AUTS2: variants seen among roughly 807,000 people sequenced by gnomAD.
The protein encoded by AUTS2 is autism susceptibility gene 2 protein.
Under a neutral mutation model 112.4 loss-of-function variants are expected in AUTS2, and 17 were observed. The ratio of observed to expected loss-of-function variants is 0.15; its 90% CI spans 0.10 to 0.23. The LOEUF is 0.23. Ranked by LOEUF, AUTS2 falls within the 10% of genes least tolerant of loss-of-function variation. The probability of loss-of-function intolerance (pLI) is 1.00; values close to 1 mark genes in which losing one functional copy is unlikely to be tolerated. For synonymous variants in AUTS2, 751 were observed against 702.7 expected (o/e 1.07, Z -1.09); for missense variants, 1,510 against 1,701.6 (o/e 0.89, Z 1.98).
At chr7:70,621,022 C>T (rs7808950) in intron 5 of AUTS2, among the ~76,000 whole-genome samples, 66,338 of 152,078 alleles carry the variant, frequency 0.44, 15,252 homozygotes, top group Middle Eastern at 0.54. Flanking sequence ...TGAGGGGCCG[C>T]GGTATGGCGG....
chr7:70,760,248 G>A (rs962742007), intron 6 of AUTS2, among the ~76,000 whole-genome samples: 14 of 152,236 alleles, frequency 9.2e-5, no homozygotes, highest in African/African-American at 1.7e-4. Flanking sequence ...CTCGTGATCC[G>A]CCCGCCTTGG....
intron 5 of AUTS2, among the ~76,000 whole-genome samples, chr7:70,693,570 G>A (rs1386994599): frequency 6.6e-6 from 1 of 152,216 alleles, no homozygotes; most frequent in Non-Finnish European, 1.5e-5. Context: ...TTGTGTCTGA[G>A]ACCCAGACCG....
intron 4 of AUTS2, among the ~76,000 whole-genome samples, chr7:70,417,228 G>T (rs1020980222): frequency 2.0e-5 from 3 of 152,336 alleles, no homozygotes; most frequent in Admixed American, 1.3e-4. Flanking sequence ...CAGGCAGGCA[G>T]CCGGCTGTGC....
intron 1 of AUTS2, among the ~76,000 whole-genome samples, chr7:69,605,570 A>G (rs1005972594): frequency 1.3e-5 from 2 of 152,172 alleles, no homozygotes; most frequent in African/African-American, 4.8e-5. Context: ...AACCTGTAAA[A>G]AAAGGTTGGT....
chr7:70,377,689 T>G (rs1793176872), intron 4 of AUTS2, among the ~76,000 whole-genome samples: 1 of 151,826 alleles, frequency 6.6e-6, no homozygotes, highest in East Asian at 1.9e-4. Flanking sequence ...CTCTATGAAT[T>G]TGACTACTCT....
intron 1 of AUTS2, among the ~76,000 whole-genome samples, chr7:69,699,603 A>G (rs929561553): frequency 1.1e-4 from 17 of 148,246 alleles, no homozygotes; most frequent in African/African-American, 4.0e-4. Context: ...GTTATTTACA[A>G]TCTTTTGCTC....
At chr7:70,065,665 C>G (rs1451765857) in intron 2 of AUTS2, among the ~76,000 whole-genome samples, 1 of 151,942 alleles carries the variant, frequency 6.6e-6, no homozygotes. Flanking sequence ...CCACTGCACT[C>G]CAGTCTGAGC....
chr7:70,235,846 G>A (rs1051284951), intron 4 of AUTS2, among the ~76,000 whole-genome samples: 1 of 151,778 alleles, frequency 6.6e-6, no homozygotes, highest in South Asian at 2.1e-4. Context: ...AGAGACGGGG[G>A]ACGTGATTTC....
chr7:70,592,903 G>A (rs1803015729), intron 5 of AUTS2, among the ~76,000 whole-genome samples: 1 of 152,130 alleles, frequency 6.6e-6, no homozygotes, highest in Non-Finnish European at 1.5e-5. Context: ...AGGCTGCAGT[G>A]CGGTGCCACC....
intron 1 of AUTS2, among the ~76,000 whole-genome samples, chr7:69,711,018 T>G (rs571450382): frequency 1.3e-5 from 2 of 152,282 alleles, no homozygotes; most frequent in South Asian, 2.1e-4. Flanking sequence ...TGCTCACCCT[T>G]AGGAATGTTT....
chr7:70,069,561 A>G (rs1802654974), intron 2 of AUTS2, among the ~76,000 whole-genome samples: 1 of 152,188 alleles, frequency 6.6e-6, no homozygotes. Flanking sequence ...GATCTATAGT[A>G]AGCAGATGAC....
intron 5 of AUTS2, among the ~76,000 whole-genome samples, chr7:70,680,652 T>A (rs1373895301): frequency 2.0e-5 from 3 of 152,066 alleles, no homozygotes; most frequent in African/African-American, 7.2e-5. Flanking sequence ...AGAAAGAAAA[T>A]CCATCACCAC....
At chr7:70,491,563 TTA>T (rs1798241896) in intron 5 of AUTS2, among the ~76,000 whole-genome samples, 1 of 145,528 alleles carries the variant, frequency 6.9e-6, no homozygotes, top group Non-Finnish European at 1.5e-5. Flanking sequence ...ATATAATATA[TTA>T]TGTGTATATA....
Position 70,698,428 on chromosome 7 carries a change from A to G in AUTS2, c.691-141A>G, listed in dbSNP as rs573351037. On this transcript the variant is annotated intron_variant, in intron 5 of 18. Transcript: ENST00000342771. Reference sequence around the variant, plus strand: ...TCAAGCAGTCAACTAGCACCACCTTATGGATGATTTGGGGACATTGCTGCT... The same window carrying G: ...TCAAGCAGTCAACTAGCACCACCTTGTGGATGATTTGGGGACATTGCTGCT... The G allele has an allele frequency of 3.7e-5, 25 of 675,450 alleles. No homozygotes were observed. The Admixed American group carries it at 6.5e-4, about 17-fold the overall frequency. 41.8% of individuals were successfully genotyped at this position (675,450 alleles called of 1,614,324 possible).
At chr7:69,618,761 C>T (rs938119064) in intron 1 of AUTS2, among the ~76,000 whole-genome samples, 6 of 152,134 alleles carry the variant, frequency 3.9e-5, no homozygotes, top group African/African-American at 1.2e-4. Flanking sequence ...GTACCCACCA[C>T]CAACTTTAAA....
chr7:70,591,384 CTTTG>C lies in AUTS2; in HGVS notation c.691-107157_691-107154del, dbSNP rs55794656. 6.6e-3 allele frequency among the ~76,000 whole-genome samples: 986 copies of C among 150,374 alleles called. 6 individuals are homozygous for C. Among genetic ancestry groups the C allele is most frequent in the African/African-American group, 0.021 (839 of 40,750 alleles). ...GTTCCTAGCAACGGGTTTACCCAGTCTTTGTTTGTTTGTTTGTTTGTTTGTTTGT... is the reference window on the plus strand; with the variant it reads ...GTTCCTAGCAACGGGTTTACCCAGTCTTTGTTTGTTTGTTTGTTTGTTTGT... On this transcript the variant is annotated intron_variant, in intron 5 of 18. Transcript: ENST00000342771.
chr7:70,560,876 T>C (rs1801459302), intron 5 of AUTS2, among the ~76,000 whole-genome samples: 1 of 152,236 alleles, frequency 6.6e-6, no homozygotes, highest in Non-Finnish European at 1.5e-5. Context: ...GATTACATTC[T>C]TGAAAGTGGC....
chr7:70,139,778 CA>C (rs1245639957), intron 4 of AUTS2, among the ~76,000 whole-genome samples: 1 of 152,056 alleles, frequency 6.6e-6, no homozygotes, highest in African/African-American at 2.4e-5. Flanking sequence ...GCGGGTGGAT[CA>C]CTTGAGGTCA....
chr7:70,027,088 G>A (rs1800554667), intron 2 of AUTS2, among the ~76,000 whole-genome samples: 1 of 152,074 alleles, frequency 6.6e-6, no homozygotes, highest in Admixed American at 6.6e-5. Context: ...GCTAATGTAA[G>A]TGTTCTGAGC....
Sources: gnomAD v4.1 joint callset for allele counts (sites outside exome capture counted in the v4.1 genomes callset) on GRCh38, gnomAD v4.1.1 for gene constraint, MANE v1.5 for transcripts, NCBI Gene and HGNC (gene_info 2026-07-23, HGNC 2026-07-21) for gene names.